Variants in ABAT observed in about 807,000 individuals in gnomAD.
The protein encoded by ABAT is 4-aminobutyrate aminotransferase.
In ABAT, 45 loss-of-function variants were observed where a neutral mutation model predicts 64.6. The ratio of observed to expected loss-of-function variants is 0.70; its 90% CI spans 0.55 to 0.89. The LOEUF (loss-of-function observed/expected upper bound fraction) is 0.89. ABAT is among the 40% of genes least tolerant of loss of function. The pLI is 0.00. For missense variants in ABAT, 633 were observed against 658.4 expected, an observed-to-expected ratio of 0.96 and a Z score of 0.42; for synonymous variants, 297 against 250.5, an observed-to-expected ratio of 1.19 and a Z score of -1.75.
chr16:8,751,473 G>T (rs1475431571), intron 5 of ABAT, among the ~76,000 whole-genome samples: 3 of 152,122 alleles, frequency 2.0e-5, no homozygotes, highest in Admixed American at 2.0e-4. Context: ...GGGGCAGGGG[G>T]AATAAGCTAA....
intron 1 of ABAT, among the ~76,000 whole-genome samples, chr16:8,726,445 G>C (rs570298990): frequency 1.3e-5 from 2 of 152,048 alleles, no homozygotes; most frequent in South Asian, 4.2e-4. Context: ...TTTTTGTAGA[G>C]ATGGGGTTTA....
intron 2 of ABAT, among the ~76,000 whole-genome samples, chr16:8,743,529 TG>T (rs2059236352): frequency 7.0e-6 from 1 of 142,146 alleles, no homozygotes; most frequent in African/African-American, 2.7e-5. Context: ...GTATATAATA[TG>T]TATTTTAGTT....
intron 3 of ABAT, among the ~76,000 whole-genome samples, 156 bp downstream of exon 3, chr16:8,746,254 C>T (rs2059325519): frequency 6.6e-6 from 1 of 152,072 alleles, no homozygotes; most frequent in African/African-American, 2.4e-5. Context: ...GCCATTTTGC[C>T]ATACAAAGCC....
chr16:8,717,310 A>T (rs1200866067), intron 1 of ABAT, among the ~76,000 whole-genome samples: 1 of 152,220 alleles, frequency 6.6e-6, no homozygotes, highest in Non-Finnish European at 1.5e-5. Flanking sequence ...AATAATAACT[A>T]TATTGATTAT....
intron 1 of ABAT, among the ~76,000 whole-genome samples, chr16:8,684,398 C>T (rs1468508662): frequency 6.6e-6 from 1 of 152,088 alleles, no homozygotes; most frequent in Non-Finnish European, 1.5e-5. Flanking sequence ...CATGGCCAAA[C>T]CCCGCCTCTA....
At chr16:8,679,769 A>G (rs763905496) in intron 1 of ABAT, among the ~76,000 whole-genome samples, 28 of 152,058 alleles carry the variant, frequency 1.8e-4, no homozygotes, top group African/African-American at 2.4e-5. Context: ...AGCAGGCTGA[A>G]TCAGTTGTCC....
intron 3 of ABAT, among the ~76,000 whole-genome samples, chr16:8,746,445 C>T (rs933118988): frequency 1.3e-5 from 2 of 151,908 alleles, no homozygotes; most frequent in Non-Finnish European, 2.9e-5. Flanking sequence ...CCCAGCTACT[C>T]GGGAGGCTGA....
chr16:8,731,264 A>AAG (rs1174855539), intron 1 of ABAT, among the ~76,000 whole-genome samples: 1 of 152,170 alleles, frequency 6.6e-6, no homozygotes, highest in Non-Finnish European at 1.5e-5. Flanking sequence ...TGCCAGCCCA[A>AAG]AGAGAAACTA....
At chr16:8,675,854 G>A (rs2141877295) in intron 1 of ABAT, among the ~76,000 whole-genome samples, 1 of 152,206 alleles carries the variant, frequency 6.6e-6, no homozygotes, top group Non-Finnish European at 1.5e-5. Context: ...TCTTCCAAGA[G>A]GGCCCGCATT....
intron 9 of ABAT, among the ~76,000 whole-genome samples, 199 bp from the exon 10 acceptor site, chr16:8,767,994 A>G: frequency 6.6e-6 from 1 of 152,110 alleles, no homozygotes; most frequent in Middle Eastern, 3.4e-3. Context: ...GTGACTTAAA[A>G]AAAAAAAAAT....
In ABAT at chr16:8,782,758, A is replaced by G. The variant is rs1040789404; in HGVS notation, c.*1328A>G. 9.9e-5 allele frequency: 15 copies of G among 152,284 alleles called. No individual in the cohort carries two copies. The highest frequency in any genetic ancestry group is 2.7e-4 in the African/African-American group (11 of 41,460). 9.4% of individuals were successfully genotyped at this position (152,284 alleles called of 1,614,324 possible). A position where few individuals can be genotyped will look rare whatever the true frequency, so the allele number is the denominator to read the frequency against. On this transcript the variant is annotated 3_prime_UTR_variant, in exon 16 of 16. Coordinates refer to ENST00000268251, the MANE Select transcript of ABAT (RefSeq NM_020686.6). Reference sequence around the variant, plus strand: ...AAAGAGAACTTGATAGCCTGACAGCAGAGAAGTATTATTTGGTGGGGAGTC... The same window carrying G: ...AAAGAGAACTTGATAGCCTGACAGCGGAGAAGTATTATTTGGTGGGGAGTC...
chr16:8,737,150 C>T (rs1188786463), intron 2 of ABAT: 2 of 152,100 alleles, frequency 1.3e-5, no homozygotes, highest in Non-Finnish European at 2.9e-5. Flanking sequence ...GAGCGTTCGC[C>T]CCTCCCCAAG....
chr16:8,710,873 T>C (rs1468924735), intron 1 of ABAT, among the ~76,000 whole-genome samples: 2 of 152,182 alleles, frequency 1.3e-5, no homozygotes, highest in Non-Finnish European at 2.9e-5. Context: ...TTAGGTGGTT[T>C]CTACAGGAGT....
At chr16:8,709,447 C>T (rs145881034) in intron 1 of ABAT, among the ~76,000 whole-genome samples, 4,314 of 152,156 alleles carry the variant, frequency 0.028, 103 homozygotes, top group South Asian at 0.11. Context: ...TATCTCAGCT[C>T]ACTGCAACCT....
intron 1 of ABAT, among the ~76,000 whole-genome samples, chr16:8,732,975 G>A (rs1468464697): frequency 6.7e-6 from 1 of 148,576 alleles, no homozygotes; most frequent in Non-Finnish European, 1.5e-5. Context: ...CCGGGCGGGG[G>A]GCTGATGCCC....
chr16:8,779,679 T>G, intron 15 of ABAT, 89 bp downstream of exon 15: 1 of 1,058,350 alleles, frequency 9.4e-7, no homozygotes, highest in Non-Finnish European at 1.4e-6. Context: ...TCAGCAATAT[T>G]TTGTGTGGGG....
At chr16:8,727,488 T>C (rs1008830968) in intron 1 of ABAT, among the ~76,000 whole-genome samples, 4 of 152,128 alleles carry the variant, frequency 2.6e-5, no homozygotes, top group East Asian at 3.8e-4. Context: ...CTCCCTGACA[T>C]TGTCACCCCA....
intron 1 of ABAT, among the ~76,000 whole-genome samples, chr16:8,718,033 C>T (rs935226121): frequency 6.6e-6 from 1 of 152,130 alleles, no homozygotes; most frequent in Non-Finnish European, 1.5e-5. Flanking sequence ...CTCACAGACC[C>T]GAGTTTGAAG....
chr16:8,700,055 A>T (rs1430712515), intron 1 of ABAT, among the ~76,000 whole-genome samples: 1 of 152,106 alleles, frequency 6.6e-6, no homozygotes, highest in Non-Finnish European at 1.5e-5. Flanking sequence ...TCCTAGGCTC[A>T]AGTGATCCAC....
Sources: allele counts gnomAD v4.1 joint callset (sites outside exome capture counted in the v4.1 genomes callset), GRCh38; gene constraint gnomAD v4.1.1; transcripts MANE v1.5; gene names NCBI Gene and HGNC (gene_info 2026-07-23, HGNC 2026-07-21).